The following ZNF334 variants were observed in gnomAD, a reference collection of about 807,000 sequenced individuals.
The protein encoded by ZNF334 is zinc finger protein 334.
A neutral mutation model predicts 12.4 loss-of-function variants in ZNF334; 14 were observed. The ratio of observed to expected loss-of-function variants is 1.13; its 90% confidence interval spans 0.74 to 1.76. The LOEUF (loss-of-function observed/expected upper bound fraction) is 1.76. Among genes scored for constraint, ZNF334 ranks in the 40% most tolerant of loss-of-function variants. ZNF334 has a pLI of 0.00. For synonymous variants in ZNF334, 273 were observed against 269.6 expected (o/e 1.01, Z -0.12); for missense variants, 797 against 804.5 (o/e 0.99, Z 0.11).
chr20:46,469,012 C>T, the ZNF334 span, among the ~76,000 whole-genome samples: 8 of 152,254 alleles, frequency 5.3e-5, no homozygotes, highest in East Asian at 3.9e-4. Context: ...GAACAATACA[C>T]GCTGACCTGA....
At chr20:46,488,555 G>A in the ZNF334 span, among the ~76,000 whole-genome samples, 1 of 151,186 alleles carries the variant, frequency 6.6e-6, no homozygotes, top group Non-Finnish European at 1.5e-5. Flanking sequence ...ATCTTTTAAA[G>A]AGATTTAAGT....
chr20:46,512,042 TCAC>T, intron 2 of ZNF334, 37 bp downstream of exon 2: 2 of 1,606,142 alleles, frequency 1.2e-6, no homozygotes, highest in South Asian at 2.2e-5. Flanking sequence ...CTCTTGAAAT[TCAC>T]TGTATAATGT....
At position 46,513,045 on chromosome 20, in the gene ZNF334, T is replaced by C. The variant is rs2061708699; in HGVS notation, c.-544A>G. ...CCCTCCAACCCAGGACTCTCGCAGA[T>C]ACCTCCAGTGAAGTGTCTTTTCCTG... On this transcript the variant is annotated 5_prime_UTR_variant, in exon 1 of 5. Coordinates refer to ENST00000692313, the MANE Select transcript of ZNF334 (RefSeq NM_001353824.2). The C allele has an allele frequency of 6.6e-6, 1 of 152,260 alleles. No individual in the cohort carries two copies. The highest frequency in any genetic ancestry group is 2.1e-4 in the South Asian group (1 of 4,830). 9.4% of individuals were successfully genotyped at this position (152,260 alleles called of 1,614,324 possible).
rs2061127612 is a variant in ZNF334, at chr20:46,500,722, C to T, written c.*574G>A. On this transcript the variant is annotated 3_prime_UTR_variant, in exon 5 of 5. Coordinates refer to ENST00000692313, the MANE Select transcript of ZNF334 (RefSeq NM_001353824.2). ...AAGGGCTTTCACTGGCTCAGCTTTA[C>T]AAAATGCTCACCTGGGGTATAATTA... 6.5e-6 allele frequency: 1 copy of T among 152,832 alleles called. No homozygotes were observed. The highest frequency in any genetic ancestry group is 1.5e-5 in the Non-Finnish European group (1 of 68,530). 9.5% of individuals were successfully genotyped at this position (152,832 alleles called of 1,614,324 possible). A position where few individuals can be genotyped will look rare whatever the true frequency, so the allele number is the denominator to read the frequency against.
At chr20:46,466,310 G>A in the ZNF334 span, among the ~76,000 whole-genome samples, 2 of 151,916 alleles carry the variant, frequency 1.3e-5, no homozygotes, top group Non-Finnish European at 1.5e-5. Context: ...TATATGAAAC[G>A]GTTTGTTGAC....
chr20:46,469,154 T>C, the ZNF334 span, among the ~76,000 whole-genome samples: 1 of 152,160 alleles, frequency 6.6e-6, no homozygotes, highest in Non-Finnish European at 1.5e-5. Context: ...GTGAAAATAA[T>C]GGTATCAGTA....
chr20:46,468,307 G>C, the ZNF334 span, among the ~76,000 whole-genome samples: 1 of 150,330 alleles, frequency 6.7e-6, no homozygotes, highest in Non-Finnish European at 1.5e-5. Flanking sequence ...ACGGAGTCTC[G>C]CTCTGTCGCC....
At position 46,512,087 on chromosome 20, in the gene ZNF334, A is replaced by G. The variant is rs779282830; in HGVS notation, c.16T>C (p.Phe6Leu). Residue 6 changes from phenylalanine to leucine, a missense_variant, in exon 2 of 5, where the codon TTT (phenylalanine) becomes CTT (leucine). By Grantham distance (22) the Phe-to-Leu change is conservative (BLOSUM62 0). Coordinates refer to ENST00000692313, the MANE Select transcript of ZNF334 (RefSeq NM_001353824.2). MKMKKFQIPVSFQDLT... is the reference protein window; with the variant it reads MKMKKLQIPVSFQDLT... ...TAAATCCCTGAGCAACTTACCTGAAATTTTTTCATTTTCATGTTCTCTTGA... is the reference window on the plus strand; with the variant it reads ...TAAATCCCTGAGCAACTTACCTGAAGTTTTTTCATTTTCATGTTCTCTTGA... 6 of 1,613,694 alleles carry G rather than the reference A, an allele frequency of 3.7e-6. No individual in the cohort carries two copies. Among genetic ancestry groups the G allele is most frequent in the Admixed American group, 1.7e-5 (1 of 59,984 alleles).
the ZNF334 span, among the ~76,000 whole-genome samples, chr20:46,470,407 C>T: frequency 1.3e-5 from 2 of 152,196 alleles, no homozygotes; most frequent in Non-Finnish European, 2.9e-5. Flanking sequence ...CTAGTGATTT[C>T]AGCTGAAGGA....
At chr20:46,476,701 A>G in the ZNF334 span, among the ~76,000 whole-genome samples, 1 of 152,232 alleles carries the variant, frequency 6.6e-6, no homozygotes, top group Non-Finnish European at 1.5e-5. Context: ...AGTGTGAAAG[A>G]ACCCAATGCC....
chr20:46,464,019 GACA>G, the ZNF334 span: 1 of 634,306 alleles, frequency 1.6e-6, no homozygotes, highest in Non-Finnish European at 3.1e-6. Context: ...GCTCAAAGGT[GACA>G]ACCTCTTCTT....
intron 2 of ZNF334, among the ~76,000 whole-genome samples, chr20:46,507,425 A>T (rs903064528): frequency 6.6e-6 from 1 of 152,180 alleles, no homozygotes; most frequent in Non-Finnish European, 1.5e-5. Flanking sequence ...TGAACTGAAA[A>T]AGGATATTAT....
the ZNF334 span, among the ~76,000 whole-genome samples, chr20:46,472,761 C>T: frequency 6.6e-6 from 1 of 152,190 alleles, no homozygotes; most frequent in Non-Finnish European, 1.5e-5. Context: ...TACTTGAGAG[C>T]AGTGAGTGGC....
chr20:46,490,834 T>C, the ZNF334 span: 3 of 152,202 alleles, frequency 2.0e-5, no homozygotes, highest in South Asian at 6.2e-4. Flanking sequence ...TACTAGCATG[T>C]CAACCAGCAT....
intron 3 of ZNF334, 104 bp downstream of exon 3, chr20:46,504,510 G>T: frequency 7.2e-7 from 1 of 1,389,180 alleles, no homozygotes; most frequent in Non-Finnish European, 9.8e-7. Flanking sequence ...TAATCTTCTT[G>T]CTCCCCTGAT....
chr20:46,476,879 T>C, the ZNF334 span: 2 of 152,250 alleles, frequency 1.3e-5, no homozygotes, highest in Non-Finnish European at 2.9e-5. Flanking sequence ...CTTTGGGATA[T>C]ATCCTATCAG....
intron 2 of ZNF334, among the ~76,000 whole-genome samples, chr20:46,508,033 G>C (rs2061498645): frequency 1.3e-5 from 2 of 152,162 alleles, no homozygotes; most frequent in Admixed American, 1.3e-4. Flanking sequence ...TGCTCAGGCA[G>C]ACCCAGTGCA....
In ZNF334 at chr20:46,504,693, T is replaced by C; in HGVS notation, c.69A>G (p.Glu23=). 6.2e-7 allele frequency: 1 copy of C among 1,612,460 alleles called. No individual in the cohort carries two copies. The highest frequency in any genetic ancestry group is 8.5e-7 in the Non-Finnish European group (1 of 1,179,314). Residue 23 remains glutamate (E), a synonymous_variant, in exon 3 of 5, where the codon GAA becomes GAG. Coordinates refer to ENST00000692313, the MANE Select transcript of ZNF334 (RefSeq NM_001353824.2). ...QDLTVNFTQE[E]WQQLDPAQRL... is the part of the protein sequence containing the mutation. ...TCTGAGCAGGGTCCAGTTGCTGCCA[T>C]TCCTCTTGGGTGAAGTTCACAGTCA...
the ZNF334 span, among the ~76,000 whole-genome samples, chr20:46,471,237 C>T: frequency 0.27 from 40,975 of 151,964 alleles, 6,539 homozygotes; most frequent in African/African-American, 0.45. Flanking sequence ...CTTTTCTATA[C>T]CTATTGTCCA....
Sources: allele counts gnomAD v4.1 joint callset (sites outside exome capture counted in the v4.1 genomes callset), GRCh38; gene constraint gnomAD v4.1.1; transcripts MANE v1.5; gene names NCBI Gene and HGNC (gene_info 2026-07-23, HGNC 2026-07-21).